Variants in PCDH15 observed in about 807,000 individuals in gnomAD.
The protein encoded by PCDH15 is protocadherin related 15, also known as protocadherin-15.
In PCDH15, 129 loss-of-function variants were observed where a neutral mutation model predicts 178.5. That is an observed-to-expected ratio of 0.72 (90% CI 0.63 to 0.84). The LOEUF (loss-of-function observed/expected upper bound fraction) is 0.84, where lower values mean the gene tolerates loss of function less well. PCDH15 is among the 40% of genes least tolerant of loss of function. The pLI is 0.00. For synonymous variants in PCDH15, 800 were observed against 732.0 expected, an observed-to-expected ratio of 1.09 and a Z score of -1.50; for missense variants, 2,230 against 2,099.9, an observed-to-expected ratio of 1.06 and a Z score of -1.21.
intron 2 of PCDH15, among the ~76,000 whole-genome samples, chr10:55,003,213 T>G (rs1839835440): frequency 6.6e-6 from 1 of 152,194 alleles, no homozygotes; most frequent in Non-Finnish European, 1.5e-5. Context: ...AAAAAGCAAC[T>G]TATAATTAGC....
Position 53,890,689 on chromosome 10 carries a change from A to G in PCDH15, c.3501+12554T>C, listed in dbSNP as rs543515440. Reference sequence around the variant, plus strand: ...TAAAGTTTCTGGATCAACTTGATGGAGATGCCTAGTTTAGATGTTATTTTT... The same window carrying G: ...TAAAGTTTCTGGATCAACTTGATGGGGATGCCTAGTTTAGATGTTATTTTT... On this transcript the variant is annotated intron_variant, in intron 26 of 37. Coordinates refer to ENST00000644397, the MANE Select transcript of PCDH15 (RefSeq NM_001384140.1). 1.2e-4 allele frequency among the ~76,000 whole-genome samples: 18 copies of G among 152,292 alleles called. No individual in the cohort carries two copies. The South Asian group carries it at 3.7e-3, about 32-fold the overall frequency.
intron 20 of PCDH15, among the ~76,000 whole-genome samples, chr10:54,014,179 A>G (rs1304159325): frequency 1.3e-5 from 2 of 152,144 alleles, no homozygotes; most frequent in East Asian, 3.9e-4. Context: ...GGAAATGGAT[A>G]CATTCCTGGA....
chr10:53,861,311 G>A (rs771693634), intron 27 of PCDH15, among the ~76,000 whole-genome samples: 1 of 151,940 alleles, frequency 6.6e-6, no homozygotes, highest in Non-Finnish European at 1.5e-5. Flanking sequence ...ACTAATGAAA[G>A]CTTTATAAAT....
At chr10:54,189,485 AT>A in intron 11 of PCDH15, 2 of 663,884 alleles carry the variant, frequency 3.0e-6, no homozygotes, top group African/African-American at 2.3e-5. Flanking sequence ...TAGACTGACA[AT>A]TTTTTTCAGA....
At chr10:54,302,147 A>G (rs1004321710) in intron 8 of PCDH15, among the ~76,000 whole-genome samples, 19 of 152,212 alleles carry the variant, frequency 1.2e-4, no homozygotes, top group African/African-American at 4.6e-4. Context: ...ATTTTCAAAT[A>G]AATTATTTCA....
chr10:54,296,602 C>T (rs1378611500), intron 8 of PCDH15, among the ~76,000 whole-genome samples: 1 of 152,076 alleles, frequency 6.6e-6, no homozygotes, highest in Non-Finnish European at 1.5e-5. Context: ...ACTCTATTCC[C>T]TTCTTTAGGC....
intron 1 of PCDH15, among the ~76,000 whole-genome samples, chr10:54,702,184 A>G (rs370357738): frequency 6.6e-6 from 1 of 150,520 alleles, no homozygotes; most frequent in South Asian, 2.1e-4. Context: ...ATCAAAATGA[A>G]AAAAGCTACT....
intron 13 of PCDH15, among the ~76,000 whole-genome samples, chr10:54,157,328 A>G (rs1234298583): frequency 6.6e-6 from 1 of 152,180 alleles, no homozygotes; most frequent in Non-Finnish European, 1.5e-5. Context: ...AGGTTCCCAA[A>G]CCTCAATTCT....
At chr10:55,275,376 T>G (rs1842563112) in intron 1 of PCDH15, among the ~76,000 whole-genome samples, 1 of 152,090 alleles carries the variant, frequency 6.6e-6, no homozygotes, top group Non-Finnish European at 1.5e-5. Context: ...TTTGTACTCT[T>G]TCCCAGATTT....
At chr10:54,071,454 T>C (rs946210104) in intron 17 of PCDH15, among the ~76,000 whole-genome samples, 3 of 152,138 alleles carry the variant, frequency 2.0e-5, no homozygotes, top group Non-Finnish European at 4.4e-5. Flanking sequence ...TGTTTGTTTT[T>C]TATTTAATCA....
chr10:55,403,535 AT>A, intron 2 of PCDH15, among the ~76,000 whole-genome samples: 1 of 151,602 alleles, frequency 6.6e-6, no homozygotes, highest in East Asian at 1.9e-4. Flanking sequence ...ATTTGAGTTG[AT>A]TTTTTATATG....
intron 2 of PCDH15, among the ~76,000 whole-genome samples, chr10:55,411,310 C>A (rs967058215): frequency 6.6e-6 from 1 of 151,730 alleles, no homozygotes; most frequent in Non-Finnish European, 1.5e-5. Context: ...ATCATAATAC[C>A]CAGCACAAAA....
At chr10:55,383,349 G>C (rs1159722134) in intron 2 of PCDH15, among the ~76,000 whole-genome samples, 4 of 152,058 alleles carry the variant, frequency 2.6e-5, no homozygotes, top group Non-Finnish European at 5.9e-5. Context: ...TCTGTCAATG[G>C]AGTTTGGGGT....
At chr10:54,966,581 C>G (rs1838796496) in intron 2 of PCDH15, among the ~76,000 whole-genome samples, 1 of 152,084 alleles carries the variant, frequency 6.6e-6, no homozygotes, top group East Asian at 1.9e-4. Flanking sequence ...CCACCCAAAT[C>G]TCATCTTGAA....
chr10:55,301,415 T>A (rs1588893458), intron 1 of PCDH15, among the ~76,000 whole-genome samples: 1 of 152,104 alleles, frequency 6.6e-6, no homozygotes, highest in East Asian at 1.9e-4. Flanking sequence ...GCAAATTACC[T>A]ATTTCTGTAT....
chr10:54,344,923 A>AC (rs1942979668), intron 6 of PCDH15, among the ~76,000 whole-genome samples: 2 of 147,530 alleles, frequency 1.4e-5, no homozygotes, highest in Non-Finnish European at 3.0e-5. Context: ...AAAAAAAAAA[A>AC]AAACAAGACT....
At chr10:54,667,529 C>T (rs751373502) in intron 1 of PCDH15, among the ~76,000 whole-genome samples, 15 of 152,006 alleles carry the variant, frequency 9.9e-5, no homozygotes, top group Non-Finnish European at 2.2e-4. Context: ...TTGTTACTAG[C>T]TTTTTAATCT....
intron 2 of PCDH15, among the ~76,000 whole-genome samples, chr10:55,103,228 G>A (rs1591905398): frequency 6.6e-6 from 1 of 151,878 alleles, no homozygotes; most frequent in African/African-American, 2.4e-5. Flanking sequence ...GTCATAAAAG[G>A]AGTCAAAAGC....
chr10:53,952,849 A>G lies in PCDH15; in HGVS notation c.3122+6883T>C, dbSNP rs2087207140. On this transcript the variant is annotated intron_variant, in intron 23 of 37. Coordinates refer to ENST00000644397, the MANE Select transcript of PCDH15 (RefSeq NM_001384140.1). Reference sequence around the variant, plus strand: ...GGGGCTGGTATGTCAGCACCACATGAGTGTGGGAACACACAGCCAGGTGGT... The same window carrying G: ...GGGGCTGGTATGTCAGCACCACATGGGTGTGGGAACACACAGCCAGGTGGT... Among the ~76,000 whole-genome samples the G allele has an allele frequency of 1.3e-5, 2 of 152,232 alleles. 1 individual carries two copies. The highest frequency in any genetic ancestry group is 4.1e-4 in the South Asian group (2 of 4,838).
Sources: allele counts gnomAD v4.1 joint callset (sites outside exome capture counted in the v4.1 genomes callset), GRCh38; gene constraint gnomAD v4.1.1; transcripts MANE v1.5; gene names NCBI Gene and HGNC (gene_info 2026-07-23, HGNC 2026-07-21).